TTC27: variants seen among roughly 807,000 people sequenced by gnomAD.
TTC27 encodes tetratricopeptide repeat protein 27.
A neutral mutation model predicts 115.9 loss-of-function variants in TTC27; 79 were observed. That is an observed-to-expected ratio of 0.68 (90% CI 0.57 to 0.82). The LOEUF is 0.82. Ranked by LOEUF, TTC27 falls within the 40% of genes least tolerant of loss-of-function variation. The pLI, the probability that TTC27 is intolerant of heterozygous loss-of-function variation, is 0.00. For missense variants in TTC27, 1,054 were observed against 993.1 expected (o/e 1.06, Z -0.82); for synonymous variants, 401 against 356.0 (o/e 1.13, Z -1.42).
At position 32,696,838 on chromosome 2, in the gene TTC27, A is replaced by G. The variant is rs144605673; in HGVS notation, c.1120-5969A>G. ...GGATAAAGTATCTTCTACAGAATAT[A>G]GAGCAGTCACTAAAAGTTTTACAGT... On this transcript the variant is annotated intron_variant, in intron 9 of 19. Coordinates refer to ENST00000317907, the MANE Select transcript of TTC27 (RefSeq NM_017735.5). Among the ~76,000 whole-genome samples, 595 of 152,320 alleles carry G rather than the reference A, an allele frequency of 3.9e-3. 3 individuals are homozygous for G. The highest frequency in any genetic ancestry group is 0.013 in the African/African-American group (552 of 41,560).
intron 10 of TTC27, among the ~76,000 whole-genome samples, chr2:32,716,747 A>G (rs1667765242): frequency 6.6e-6 from 1 of 151,646 alleles, no homozygotes; most frequent in Non-Finnish European, 1.5e-5. Context: ...GCTGGAGTGC[A>G]GTGGTACAAA....
At chr2:32,776,790 G>T (rs778553816) in intron 13 of TTC27, among the ~76,000 whole-genome samples, 24 of 152,026 alleles carry the variant, frequency 1.6e-4, no homozygotes, top group Non-Finnish European at 3.2e-4. Flanking sequence ...TGTATTTTTA[G>T]TTGAGACGGG....
At chr2:32,773,979 A>T (rs923218216) in intron 13 of TTC27, among the ~76,000 whole-genome samples, 2 of 152,178 alleles carry the variant, frequency 1.3e-5, no homozygotes, top group Non-Finnish European at 2.9e-5. Context: ...GTTGAAATTG[A>T]TCCATGCTGT....
chr2:32,697,105 T>G (rs1667013069), intron 9 of TTC27, among the ~76,000 whole-genome samples: 1 of 151,440 alleles, frequency 6.6e-6, no homozygotes, highest in Non-Finnish European at 1.5e-5. Context: ...GGCAGGAGAA[T>G]CACTTGAGCC....
chr2:32,644,872 C>CTTTTTT (rs35904079), intron 4 of TTC27, among the ~76,000 whole-genome samples: 1 of 83,332 alleles, frequency 1.2e-5, no homozygotes, highest in Admixed American at 1.4e-4. Flanking sequence ...TTCCTTTCTG[C>CTTTTTT]TTTTTTTTTT....
At chr2:32,699,002 G>A (rs1307757445) in intron 9 of TTC27, among the ~76,000 whole-genome samples, 1 of 152,152 alleles carries the variant, frequency 6.6e-6, no homozygotes, top group Non-Finnish European at 1.5e-5. Flanking sequence ...GGATTTTCAT[G>A]AGCACCAGTC....
At chr2:32,767,454 T>G (rs13033707) in intron 13 of TTC27, among the ~76,000 whole-genome samples, 4 of 35,524 alleles carry the variant, frequency 1.1e-4, no homozygotes, top group African/African-American at 3.8e-4. Context: ...TTTTTTTTTG[T>G]TTTTTTTTTT....
At chr2:32,688,729 A>G (rs1403777872) in intron 9 of TTC27, among the ~76,000 whole-genome samples, 1 of 152,130 alleles carries the variant, frequency 6.6e-6, no homozygotes, top group Admixed American at 6.6e-5. Flanking sequence ...ACATTACTGA[A>G]AAGACTTACA....
At chr2:32,632,394 C>T (rs574145910) in intron 2 of TTC27, among the ~76,000 whole-genome samples, 43 of 152,216 alleles carry the variant, frequency 2.8e-4, no homozygotes, top group African/African-American at 9.9e-4. Flanking sequence ...CACACAAATG[C>T]ATTATTCACT....
chr2:32,657,652 G>A (rs1439972597), intron 5 of TTC27, among the ~76,000 whole-genome samples: 14 of 152,044 alleles, frequency 9.2e-5, no homozygotes, highest in Admixed American at 9.2e-4. Context: ...GATTATAGGT[G>A]ATACAGTAGA....
intron 9 of TTC27, among the ~76,000 whole-genome samples, chr2:32,685,631 A>G (rs1465460227): frequency 1.3e-5 from 2 of 152,224 alleles, no homozygotes; most frequent in African/African-American, 4.8e-5. Context: ...GAGAAAAACC[A>G]AATGATTATC....
At chr2:32,725,007 T>C (rs1017549358) in intron 10 of TTC27, among the ~76,000 whole-genome samples, 19 of 152,198 alleles carry the variant, frequency 1.2e-4, no homozygotes, top group African/African-American at 4.3e-4. Flanking sequence ...GAAACTTCTC[T>C]TTATAAAACC....
intron 9 of TTC27, among the ~76,000 whole-genome samples, chr2:32,685,389 T>C (rs1666596062): frequency 6.6e-6 from 1 of 152,174 alleles, no homozygotes; most frequent in South Asian, 2.1e-4. Context: ...CCGCTTTTTT[T>C]TTGTCTTCTA....
At chr2:32,692,203 C>G (rs1208941433) in intron 9 of TTC27, among the ~76,000 whole-genome samples, 1 of 151,628 alleles carries the variant, frequency 6.6e-6, no homozygotes, top group Non-Finnish European at 1.5e-5. Flanking sequence ...ATTTTTGAAT[C>G]CACCAACTTT....
At chr2:32,659,181 G>C (rs1011627437) in intron 5 of TTC27, among the ~76,000 whole-genome samples, 1 of 152,066 alleles carries the variant, frequency 6.6e-6, no homozygotes, top group Non-Finnish European at 1.5e-5. Context: ...GCTCAGGCTT[G>C]TCTTGAACTC....
At chr2:32,690,176 TCTC>T (rs949771370) in intron 9 of TTC27, among the ~76,000 whole-genome samples, 1 of 152,182 alleles carries the variant, frequency 6.6e-6, no homozygotes, top group African/African-American at 2.4e-5. Flanking sequence ...TTGCTTAAAA[TCTC>T]CTGAATGCAG....
intron 9 of TTC27, among the ~76,000 whole-genome samples, chr2:32,688,476 A>T (rs1375110858): frequency 1.3e-5 from 2 of 152,160 alleles, no homozygotes; most frequent in African/African-American, 4.8e-5. Context: ...CATTAAGAAA[A>T]TGAAAACACC....
chr2:32,647,134 A>G (rs1664896280), intron 4 of TTC27, among the ~76,000 whole-genome samples: 1 of 151,948 alleles, frequency 6.6e-6, no homozygotes, highest in African/African-American at 2.4e-5. Context: ...TTTTGTAGAA[A>G]TGGGGTCTCT....
chr2:32,797,088 C>A (rs928208605), intron 16 of TTC27, among the ~76,000 whole-genome samples: 1 of 148,926 alleles, frequency 6.7e-6, no homozygotes, highest in Non-Finnish European at 1.5e-5. Flanking sequence ...GCAGGAGAAT[C>A]GCTTGAACCT....
Sources: allele counts gnomAD v4.1 joint callset (sites outside exome capture counted in the v4.1 genomes callset), GRCh38; gene constraint gnomAD v4.1.1; transcripts MANE v1.5; gene names NCBI Gene and HGNC (gene_info 2026-07-23, HGNC 2026-07-21).